Variants in NOS2 observed in about 807,000 individuals in gnomAD.
The protein encoded by NOS2 is nitric oxide synthase 2.
In NOS2, 96 loss-of-function variants were observed where a neutral mutation model predicts 136.0. The observed-to-expected ratio is 0.71, with a 90% CI of 0.60 to 0.84. The LOEUF is 0.84. NOS2 is among the 40% of genes least tolerant of loss of function. The pLI is 0.00. For missense variants in NOS2, 1,237 were observed against 1,496.9 expected, an observed-to-expected ratio of 0.83 and a Z score of 2.87; for synonymous variants, 539 against 587.5, an observed-to-expected ratio of 0.92 and a Z score of 1.20.
Position 27,764,002 on chromosome 17 carries a change from C to T in NOS2, c.2571G>A (p.Gln857=). ...AQVATEEPER[Q]RLEALCQPSE... is the part of the protein sequence containing the mutation. ...TCACCTGGCACAGGGCCTCCAGCCTCTGTCTCTCAGGCTCTTCTGTGGCCA... is the reference window on the plus strand; with the variant it reads ...TCACCTGGCACAGGGCCTCCAGCCTTTGTCTCTCAGGCTCTTCTGTGGCCA... The change falls in exon 21 of 27, where the codon CAG becomes CAA. Residue 857 remains glutamine, a synonymous_variant. Transcript: ENST00000313735. 1 of 1,613,666 alleles carries T rather than the reference C, an allele frequency of 6.2e-7. No individual in the cohort carries two copies. Among genetic ancestry groups the T allele is most frequent in the Non-Finnish European group, 8.5e-7 (1 of 1,179,790 alleles).
chr17:27,773,320 G>T, intron 12 of NOS2, 77 bp from the exon 13 acceptor site: 1 of 993,922 alleles, frequency 1.0e-6, no homozygotes, highest in Non-Finnish European at 1.6e-6. Context: ...GAGTGGTAGA[G>T]GACCCTTCAC....
chr17:27,766,635 G>A (rs199918453), intron 18 of NOS2, 47 bp from the exon 19 acceptor site: 48 of 1,485,072 alleles, frequency 3.2e-5, no homozygotes, highest in Middle Eastern at 1.7e-4. Context: ...GTTCTTGAGC[G>A]TAGGTAGGGG....
At chr17:27,769,280 C>T in intron 16 of NOS2, 129 bp from the exon 17 acceptor site, 1 of 950,610 alleles carries the variant, frequency 1.1e-6, no homozygotes, top group Non-Finnish European at 1.6e-6. Flanking sequence ...AGCTGGACCC[C>T]CTTCTGGTCC....
intron 2 of NOS2, among the ~76,000 whole-genome samples, chr17:27,797,737 G>A (rs867450985): frequency 6.6e-6 from 1 of 152,186 alleles, no homozygotes; most frequent in Non-Finnish European, 1.5e-5. Context: ...CCACCTGAGC[G>A]AGCCTCAAGC....
chr17:27,758,918 T>C lies in NOS2; in HGVS notation c.3317A>G (p.Asn1106Ser), dbSNP rs542834106. 3 of 1,610,390 alleles carry C rather than the reference T, an allele frequency of 1.9e-6. No individual in the cohort carries two copies. Among genetic ancestry groups the C allele is most frequent in the Non-Finnish European group, 2.5e-6 (3 of 1,178,466 alleles). The change falls in exon 26 of 27, where the codon AAT (asparagine) becomes AGT (serine). Residue 1106 changes from asparagine (N) to serine (S), a missense_variant. Transcript: ENST00000313735. ...KQLVAAKLKL[N>S]EEQVEDYFFQ... ...GAAATAGTCCTCGACCTGCTCCTCATTCAATTTCAGCTTGGCAGCCACCAG... is the reference window on the plus strand; with the variant it reads ...GAAATAGTCCTCGACCTGCTCCTCACTCAATTTCAGCTTGGCAGCCACCAG...
chr17:27,762,388 A>G (rs1306734648), intron 22 of NOS2, among the ~76,000 whole-genome samples: 1 of 152,150 alleles, frequency 6.6e-6, no homozygotes, highest in Non-Finnish European at 1.5e-5. Context: ...TGGGAAGACT[A>G]AGAACCACTG....
At position 27,765,482 on chromosome 17, in the gene NOS2, G is replaced by A. The variant is rs1324444810; in HGVS notation, c.2428+53C>T. 6.8e-5 allele frequency: 102 copies of A among 1,499,666 alleles called. No individual in the cohort carries two copies. In the South Asian group the frequency reaches 1.0e-3, roughly 15 times the overall value. 92.9% of individuals were successfully genotyped at this position (1,499,666 alleles called of 1,614,324 possible). A position where few individuals can be genotyped will look rare whatever the true frequency, so the allele number is the denominator to read the frequency against. On this transcript the variant is annotated intron_variant, in intron 20 of 26. Coordinates refer to ENST00000313735, the MANE Select transcript of NOS2 (RefSeq NM_000625.4). The stretch of plus-strand genomic sequence containing the variant: ...GGCCCAGGCTCAGCCCCTCAGCCAG[G>A]TGGGGCGGCCAGAGGGTGCCAGGCA...
At chr17:27,775,427 G>A (rs770061429) in intron 11 of NOS2, among the ~76,000 whole-genome samples, 29 of 151,986 alleles carry the variant, frequency 1.9e-4, no homozygotes, top group South Asian at 2.1e-4. Context: ...GTGAAACCCC[G>A]TCTCTACTAA....
Position 27,760,047 on chromosome 17 carries a change from G to C in NOS2, c.3142C>G (p.Leu1048Val). 1.3e-6 allele frequency: 2 copies of C among 1,545,522 alleles called. No homozygotes were observed. Among genetic ancestry groups the C allele is most frequent in the Non-Finnish European group, 1.7e-6 (2 of 1,148,094 alleles). Residue 1048 changes from leucine to valine, a missense_variant, in exon 25 of 27, where the codon CTG becomes GTG. Leu to Val is a conservative substitution (Grantham distance 32). Transcript: ENST00000313735. ...GCATTTACCTTGGGCTTGCCAGGCAGGCGGGAATAGGCTGTGTGCACCGCA... is the reference window on the plus strand; with the variant it reads ...GCATTTACCTTGGGCTTGCCAGGCACGCGGGAATAGGCTGTGTGCACCGCA... ...LHAVHTAYSR[L>V]PGKPKVYVQD... is the part of the protein sequence containing the mutation.
At chr17:27,764,825 G>A (rs1285572163) in intron 20 of NOS2, among the ~76,000 whole-genome samples, 2 of 152,202 alleles carry the variant, frequency 1.3e-5, no homozygotes, top group African/African-American at 4.8e-5. Context: ...GTAAAAATAA[G>A]AGCCTGACAT....
intron 26 of NOS2, 44 bp from the exon 27 acceptor site, chr17:27,757,397 G>A: frequency 6.4e-7 from 1 of 1,574,758 alleles, no homozygotes; most frequent in Non-Finnish European, 8.7e-7. Context: ...TCCAGGCTGG[G>A]ATGAGCCCCT....
Position 27,759,022 on chromosome 17 carries a change from C to T in NOS2, c.3213G>A (p.Val1071=), listed in dbSNP as rs756297884. ...AGAGGTGGCCTGGCTCCTTGTGGAG[C>T]ACACGGAGCACCTCGCTGGCCAGCT... ...RQQLASEVLR[V]LHKEPGHLYV... The change falls in exon 26 of 27, where the codon GTG becomes GTA. Residue 1071 remains valine (V), a synonymous_variant. Transcript: ENST00000313735. 3.7e-6 allele frequency: 6 copies of T among 1,610,470 alleles called. No homozygotes were observed. The highest frequency in any genetic ancestry group is 2.2e-5 in the East Asian group (1 of 44,600).
rs113925394 is a variant in NOS2 at position 27,798,989 on chromosome 17, C to A, written c.-73-107G>T. 6 of 596,744 alleles carry A rather than the reference C, an allele frequency of 1.0e-5. No homozygotes were observed. The East Asian group carries it at 1.7e-4, about 17-fold the overall frequency. 37.0% of individuals were successfully genotyped at this position (596,744 alleles called of 1,614,324 possible). ...GAATCGATATGAACGCCAGCATGAG[C>A]CCCTTCATCAATGCTTTGCAACCTC... On this transcript the variant is annotated intron_variant, in intron 1 of 26. Transcript: ENST00000313735.
intron 2 of NOS2, among the ~76,000 whole-genome samples, chr17:27,798,129 C>T (rs754715257): frequency 2.0e-5 from 3 of 152,066 alleles, no homozygotes; most frequent in Non-Finnish European, 2.9e-5. Flanking sequence ...TCATCCTCAG[C>T]ACACTATGGT....
At chr17:27,762,418 GTGCTCTTCACATC>G (rs1908162322) in intron 22 of NOS2, among the ~76,000 whole-genome samples, 1 of 152,206 alleles carries the variant, frequency 6.6e-6, no homozygotes, top group Non-Finnish European at 1.5e-5. Context: ...CAAGGGTTGA[GTGCTCTTCACATC>G]TGATCTCATT....
At chr17:27,770,808 G>A in intron 15 of NOS2, 105 bp downstream of exon 15, 1 of 767,422 alleles carries the variant, frequency 1.3e-6, no homozygotes, top group Non-Finnish European at 2.2e-6. Flanking sequence ...CCTGAGCACT[G>A]ACTCCCAAAT....
Position 27,774,420 on chromosome 17 carries a change from G to A in NOS2, c.1313C>T (p.Ser438Leu), listed in dbSNP as rs1436077571. 2.6e-6 allele frequency: 4 copies of A among 1,529,528 alleles called. No homozygotes were observed. The highest frequency in any genetic ancestry group is 2.6e-6 in the Non-Finnish European group (3 of 1,136,622). 94.7% of individuals were successfully genotyped at this position (1,529,528 alleles called of 1,614,324 possible). A position where few individuals can be genotyped will look rare whatever the true frequency, so the allele number is the denominator to read the frequency against. Residue 438 changes from serine (S) to leucine (L), a missense_variant, in exon 12 of 27, where the codon TCG becomes TTG. By Grantham distance (145) the Ser-to-Leu change is moderately radical. Coordinates refer to ENST00000313735, the MANE Select transcript of NOS2 (RefSeq NM_000625.4). ...GTACTTCATGAAGGATTCTGCAGCC[G>A]AGTGGTGGTCCATGATGGTCACATT... ...KQNVTIMDHHSAAESFMKYMQ... is the reference protein window; with the variant it reads ...KQNVTIMDHHLAAESFMKYMQ...
intron 20 of NOS2, among the ~76,000 whole-genome samples, 154 bp downstream of exon 20, chr17:27,765,381 T>C (rs562503606): frequency 2.1e-4 from 32 of 152,356 alleles, no homozygotes; most frequent in African/African-American, 6.7e-4. Flanking sequence ...GCTGGGACTG[T>C]TTCCACAGCT....
chr17:27,785,256 G>A (rs1455302891), intron 5 of NOS2, among the ~76,000 whole-genome samples: 3 of 152,160 alleles, frequency 2.0e-5, no homozygotes, highest in Admixed American at 6.5e-5. Flanking sequence ...TGGTGCACAC[G>A]TGCTTTATGC....
Sources: allele counts gnomAD v4.1 joint callset (sites outside exome capture counted in the v4.1 genomes callset), GRCh38; gene constraint gnomAD v4.1.1; transcripts MANE v1.5; gene names NCBI Gene and HGNC (gene_info 2026-07-23, HGNC 2026-07-21).